Variants in MBP observed in about 807,000 individuals in gnomAD.
The protein encoded by MBP is Golli-MBP.
MBP carries 16 observed loss-of-function variants against 35.8 expected under a neutral mutation model. That is an observed-to-expected ratio of 0.45 (90% CI 0.30 to 0.68). The LOEUF (loss-of-function observed/expected upper bound fraction) is 0.68. MBP is among the 30% of genes least tolerant of loss of function. The probability of loss-of-function intolerance (pLI) is 0.08; values close to 1 mark genes in which losing one functional copy is unlikely to be tolerated. For synonymous variants in MBP, 143 were observed against 159.6 expected (o/e 0.90, Z 0.78); for missense variants, 380 against 404.7 (o/e 0.94, Z 0.52).
intron 2 of MBP, among the ~76,000 whole-genome samples, chr18:77,086,769 G>A (rs1298384281): frequency 6.6e-6 from 1 of 151,992 alleles, no homozygotes; most frequent in Non-Finnish European, 1.5e-5. Context: ...TGAGGAGTTG[G>A]CAAAAAAGGC....
In MBP at chr18:77,076,678, T is replaced by C. The variant is rs530710736; in HGVS notation, c.52-10293A>G. On this transcript the variant is annotated intron_variant, in intron 2 of 8. Coordinates refer to ENST00000355994, the MANE Select transcript of MBP (RefSeq NM_001025101.2). ...TCTTCCTGACCTTCCACAGAGCAGT[T>C]ATTAAATATATTGGTGACCACTCAA... Among the ~76,000 whole-genome samples the C allele has an allele frequency of 2.0e-5, 3 of 152,334 alleles. No homozygotes were observed. In the South Asian group the frequency reaches 6.2e-4, roughly 32 times the overall value.
chr18:77,112,005 C>T (rs1037152044), intron 1 of MBP, among the ~76,000 whole-genome samples: 2 of 152,160 alleles, frequency 1.3e-5, no homozygotes, highest in African/African-American at 4.8e-5. Context: ...TCCCTCCATT[C>T]CTCTTCCTCT....
intron 3 of MBP, among the ~76,000 whole-genome samples, chr18:77,039,492 A>G (rs76266969): frequency 4.6e-5 from 7 of 152,312 alleles, no homozygotes; most frequent in African/African-American, 1.7e-4. Context: ...GAAATGGATG[A>G]GAATTATTTT....
In MBP at chr18:77,007,459, C is replaced by T. The variant is rs545090467; in HGVS notation, c.576+9373G>A. 1.1e-4 allele frequency among the ~76,000 whole-genome samples: 17 copies of T among 152,314 alleles called. No homozygotes were observed. The East Asian group carries it at 1.4e-3, about 12-fold the overall frequency. ...ATGGCCTCTGTGAGCCAGGCATCGC[C>T]GGCCCCTGCTCAGGGGGCTGGAGGG... is the stretch of plus-strand genomic sequence containing the variant. On this transcript the variant is annotated intron_variant, in intron 4 of 8. Coordinates refer to ENST00000355994, the MANE Select transcript of MBP (RefSeq NM_001025101.2).
chr18:77,093,619 G>A (rs1025150372), intron 2 of MBP, among the ~76,000 whole-genome samples: 1 of 152,140 alleles, frequency 6.6e-6, no homozygotes, highest in African/African-American at 2.4e-5. Context: ...GACTTCCTTC[G>A]TGAATCTCCT....
intron 4 of MBP, among the ~76,000 whole-genome samples, chr18:76,994,693 C>G (rs1238188798): frequency 6.6e-6 from 1 of 152,094 alleles, no homozygotes; most frequent in African/African-American, 2.4e-5. Flanking sequence ...GCTCTTGGAG[C>G]TATTATCGGG....
intron 1 of MBP, among the ~76,000 whole-genome samples, chr18:77,132,104 C>T (rs1977298390): frequency 6.6e-6 from 1 of 152,130 alleles, no homozygotes; most frequent in African/African-American, 2.4e-5. Context: ...ACCCTCTCCA[C>T]ACCCGCCCAG....
chr18:77,007,002 G>A (rs557964791), intron 4 of MBP, among the ~76,000 whole-genome samples: 19 of 152,278 alleles, frequency 1.2e-4, no homozygotes, highest in East Asian at 3.9e-4. Flanking sequence ...TTCAGCTCGC[G>A]TTTCTCAGCC....
At position 77,102,531 on chromosome 18, in the gene MBP, A is replaced by G. The variant is rs1976074710; in HGVS notation, c.51+2680T>C. On this transcript the variant is annotated intron_variant, in intron 2 of 8. Coordinates refer to ENST00000355994, the MANE Select transcript of MBP (RefSeq NM_001025101.2). This position sits in a 1 kb window ranked among gnomAD's most constrained non-coding sequence, Gnocchi z 4.4. Reference sequence around the variant, plus strand: ...GCTCTTACTTCTTAAAACTACCTACAGGAACCATAGTTTTAACATTTCCAA... The same window carrying G: ...GCTCTTACTTCTTAAAACTACCTACGGGAACCATAGTTTTAACATTTCCAA... Among the ~76,000 whole-genome samples the G allele has an allele frequency of 6.6e-6, 1 of 152,252 alleles. No individual in the cohort carries two copies. Among genetic ancestry groups the G allele is most frequent in the Admixed American group, 6.5e-5 (1 of 15,290 alleles).
chr18:77,021,376 C>T (rs1185826908), intron 3 of MBP, among the ~76,000 whole-genome samples: 5 of 152,178 alleles, frequency 3.3e-5, no homozygotes, highest in Non-Finnish European at 5.9e-5. Context: ...GCAATTTCCT[C>T]TTGCATTAAT....
chr18:77,114,361 T>G (rs967090663), intron 1 of MBP: 16 of 152,164 alleles, frequency 1.1e-4, no homozygotes, highest in South Asian at 4.1e-4. Context: ...AAGCAGCAAA[T>G]TACTGGCCCC....
At chr18:77,000,185 C>T (rs924511709) in intron 4 of MBP, among the ~76,000 whole-genome samples, 2 of 152,176 alleles carry the variant, frequency 1.3e-5, no homozygotes, top group African/African-American at 4.8e-5. Flanking sequence ...AATACATGCT[C>T]ATATGAAGAT....
intron 8 of MBP, chr18:76,983,561 CAG>C (rs1032741117): frequency 1.3e-5 from 2 of 152,208 alleles, no homozygotes; most frequent in Non-Finnish European, 2.9e-5. Context: ...TTTCTTAACT[CAG>C]AATTTACGTT....
intron 3 of MBP, among the ~76,000 whole-genome samples, chr18:77,024,008 G>T (rs1972098993): frequency 6.6e-6 from 1 of 152,200 alleles, no homozygotes. Flanking sequence ...ATATTTACTG[G>T]AGTATACTCC....
intron 4 of MBP, among the ~76,000 whole-genome samples, chr18:76,998,292 G>A (rs1460056462): frequency 6.6e-6 from 1 of 151,700 alleles, no homozygotes; most frequent in Admixed American, 6.6e-5. Flanking sequence ...TGCACTTACC[G>A]CAGTGCCCTC....
intron 3 of MBP, among the ~76,000 whole-genome samples, chr18:77,059,968 C>T (rs1224399161): frequency 6.6e-6 from 1 of 152,132 alleles, no homozygotes; most frequent in Non-Finnish European, 1.5e-5. Flanking sequence ...AAATAAAGGC[C>T]CTAGCCCTCC....
At chr18:77,067,668 G>A in intron 2 of MBP, 1 of 385,628 alleles carries the variant, frequency 2.6e-6, no homozygotes, top group Non-Finnish European at 5.2e-6. Context: ...CCCACCAGCA[G>A]CACCGGGAGG....
At chr18:77,116,918 C>T (rs910482515) in intron 1 of MBP, among the ~76,000 whole-genome samples, 18 of 152,084 alleles carry the variant, frequency 1.2e-4, no homozygotes, top group Admixed American at 3.3e-4. Flanking sequence ...CACAAGTCCA[C>T]ACAGCAGGAC....
At position 77,028,596 on chromosome 18, in the gene MBP, C is replaced by T. The variant is rs774523056; in HGVS notation, c.140-11328G>A. Among the ~76,000 whole-genome samples the T allele has an allele frequency of 2.3e-3, 154 of 66,712 alleles. 2 individuals are homozygous for T. Among genetic ancestry groups the T allele is most frequent in the East Asian group, 4.1e-3 (8 of 1,938 alleles). 43.8% of individuals were successfully genotyped at this position (66,712 alleles called of 152,430 possible). A position where few individuals can be genotyped will look rare whatever the true frequency, so the allele number is the denominator to read the frequency against. On this transcript the variant is annotated intron_variant, in intron 3 of 8. Coordinates refer to ENST00000355994, the MANE Select transcript of MBP (RefSeq NM_001025101.2). ...GCAGAGGCGCCCCTCACCTCCCGGA[C>T]GGGGCGGCTGGCCGGGCGGGGGGCT...
Sources: gnomAD v4.1 joint callset for allele counts (sites outside exome capture counted in the v4.1 genomes callset) on GRCh38, gnomAD v4.1.1 for gene constraint, Gnocchi (gnomAD v3.1) non-coding constraint, MANE v1.5 for transcripts, NCBI Gene and HGNC (gene_info 2026-07-23, HGNC 2026-07-21) for gene names.